MRPS6: variants seen among roughly 807,000 people sequenced by gnomAD.
MRPS6 encodes the protein small ribosomal subunit protein bS6m.
MRPS6 carries 6 observed loss-of-function variants against 13.1 expected under a neutral mutation model. The observed-to-expected ratio is 0.46, with a 90% CI of 0.25 to 0.91. The LOEUF (loss-of-function observed/expected upper bound fraction) is 0.91, where lower values mean the gene tolerates loss of function less well. Among genes scored for constraint, MRPS6 ranks in the 40% least tolerant of loss-of-function variants. MRPS6 has a pLI of 0.18. For synonymous variants in MRPS6, 61 were observed against 56.5 expected, an observed-to-expected ratio of 1.08 and a Z score of -0.36; for missense variants, 164 against 155.6, an observed-to-expected ratio of 1.05 and a Z score of -0.29.
chr21:34,118,444 T>C (rs1203670462), intron 1 of MRPS6, among the ~76,000 whole-genome samples: 2 of 152,274 alleles, frequency 1.3e-5, no homozygotes, highest in East Asian at 3.9e-4. Context: ...CCTGTATTGC[T>C]CCAGGGTCAC....
intron 2 of MRPS6, among the ~76,000 whole-genome samples, chr21:34,139,326 TAAAGTA>T (rs1222980405): frequency 1.3e-5 from 2 of 151,636 alleles, no homozygotes; most frequent in Non-Finnish European, 1.5e-5. Flanking sequence ...CCCTAAAACT[TAAAGTA>T]TAATAAAAAA....
intron 1 of MRPS6, chr21:34,102,199 A>T (rs1469246936): frequency 2.0e-6 from 2 of 999,810 alleles, no homozygotes; most frequent in Non-Finnish European, 2.4e-6. Flanking sequence ...CCTAGGAGAG[A>T]ATTTAGTTAA....
intron 1 of MRPS6, among the ~76,000 whole-genome samples, chr21:34,111,981 G>A (rs1979718504): frequency 6.6e-6 from 1 of 151,996 alleles, no homozygotes; most frequent in African/African-American, 2.4e-5. Context: ...TGCCTTAGAT[G>A]TTGTTTCTGT....
intron 1 of MRPS6, chr21:34,101,218 A>G (rs768052124): frequency 6.0e-5 from 60 of 999,962 alleles, no homozygotes; most frequent in Non-Finnish European, 7.0e-5. Context: ...TAAAATCTGC[A>G]TATGTAGAAT....
intron 1 of MRPS6, among the ~76,000 whole-genome samples, chr21:34,079,003 T>C (rs146076845): frequency 1.9e-3 from 285 of 152,362 alleles, no homozygotes; most frequent in Middle Eastern, 6.8e-3. Flanking sequence ...TGGTAAGTTA[T>C]CAATTTGTCT....
At chr21:34,142,372 A>C in intron 2 of MRPS6, 36 bp from the exon 3 acceptor site, 2 of 1,539,432 alleles carry the variant, frequency 1.3e-6, no homozygotes, top group Non-Finnish European at 8.7e-7. Context: ...ATTACAATTC[A>C]AATGCAGACA....
intron 2 of MRPS6, among the ~76,000 whole-genome samples, chr21:34,126,056 G>T (rs560521175): frequency 2.0e-5 from 3 of 152,310 alleles, no homozygotes; most frequent in Middle Eastern, 3.4e-3. Flanking sequence ...ACAATTTGTA[G>T]AATAGATTTG....
At chr21:34,100,610 C>T (rs572544433) in intron 1 of MRPS6, 1 of 1,000,170 alleles carries the variant, frequency 1.0e-6, no homozygotes, top group Non-Finnish European at 1.2e-6. Flanking sequence ...GGGATGATAC[C>T]TCAAGAAATT....
intron 1 of MRPS6, among the ~76,000 whole-genome samples, chr21:34,076,011 A>G (rs1414021613): frequency 1.3e-5 from 2 of 152,202 alleles, no homozygotes; most frequent in Non-Finnish European, 2.9e-5. Flanking sequence ...AAAGTTGCGT[A>G]TCTTCCACGT....
intron 1 of MRPS6, among the ~76,000 whole-genome samples, chr21:34,074,927 C>T (rs867367856): frequency 6.6e-6 from 1 of 152,078 alleles, no homozygotes; most frequent in African/African-American, 2.4e-5. Context: ...ACGCCAGTGC[C>T]TCTCTATGAG....
At chr21:34,103,001 CAG>C in intron 1 of MRPS6, 1 of 999,724 alleles carries the variant, frequency 1.0e-6, no homozygotes, top group Non-Finnish European at 1.2e-6. Flanking sequence ...TGCTCTTAGA[CAG>C]AGTAGTCTAG....
At chr21:34,118,425 C>T (rs190742940) in intron 1 of MRPS6, among the ~76,000 whole-genome samples, 36 of 152,228 alleles carry the variant, frequency 2.4e-4, no homozygotes, top group African/African-American at 8.7e-4. Flanking sequence ...TGGACCTACA[C>T]AGTTTCAACC....
intron 2 of MRPS6, among the ~76,000 whole-genome samples, chr21:34,129,194 C>G (rs1001020456): frequency 6.6e-6 from 1 of 152,102 alleles, no homozygotes; most frequent in African/African-American, 2.4e-5. Context: ...AGGCATCTTA[C>G]TGAATGATAG....
At chr21:34,111,191 TG>T (rs1490390896) in intron 1 of MRPS6, among the ~76,000 whole-genome samples, 2 of 152,190 alleles carry the variant, frequency 1.3e-5, no homozygotes, top group Non-Finnish European at 2.9e-5. Context: ...GGTATTGATT[TG>T]GGGGCTACAA....
intron 1 of MRPS6, among the ~76,000 whole-genome samples, chr21:34,083,265 G>A (rs548605070): frequency 6.6e-6 from 1 of 152,336 alleles, no homozygotes; most frequent in East Asian, 1.9e-4. Flanking sequence ...CAGCTGCTGG[G>A]AAGATGCTCT....
chr21:34,094,437 A>G (rs1381862632), intron 1 of MRPS6, among the ~76,000 whole-genome samples: 2 of 152,114 alleles, frequency 1.3e-5, no homozygotes, highest in Non-Finnish European at 2.9e-5. Flanking sequence ...GTTACCCCCA[A>G]ACTCTCTTAG....
At chr21:34,084,189 C>T (rs1452726532) in intron 1 of MRPS6, among the ~76,000 whole-genome samples, 1 of 152,154 alleles carries the variant, frequency 6.6e-6, no homozygotes, top group Non-Finnish European at 1.5e-5. Flanking sequence ...AGTTTTCCAA[C>T]TGAAAAGTAT....
At chr21:34,104,739 G>A in intron 1 of MRPS6, 1 of 1,000,314 alleles carries the variant, frequency 1.0e-6, no homozygotes, top group Non-Finnish European at 1.2e-6. Flanking sequence ...GGAAAGAGAA[G>A]TTTGAGGAAC....
At chr21:34,081,850 T>C (rs1336867568) in intron 1 of MRPS6, among the ~76,000 whole-genome samples, 1 of 152,192 alleles carries the variant, frequency 6.6e-6, no homozygotes, top group Non-Finnish European at 1.5e-5. Flanking sequence ...AAACTTATTA[T>C]ATCTAAGTTT....
Sources: gnomAD v4.1 joint callset for allele counts (sites outside exome capture counted in the v4.1 genomes callset) on GRCh38, gnomAD v4.1.1 for gene constraint, MANE v1.5 for transcripts, NCBI Gene and HGNC (gene_info 2026-07-23, HGNC 2026-07-21) for gene names.